MITF: variants seen among roughly 807,000 people sequenced by gnomAD.
The protein encoded by MITF is melanocyte inducing transcription factor, also known as microphthalmia-associated transcription factor.
A neutral mutation model predicts 60.5 loss-of-function variants in MITF; 17 were observed. That is an observed-to-expected ratio of 0.28 (90% CI 0.19 to 0.42). The LOEUF (loss-of-function observed/expected upper bound fraction) is 0.42, where lower values mean the gene tolerates loss of function less well. MITF is among the 10% of genes least tolerant of loss of function. The probability of loss-of-function intolerance (pLI) is 1.00; values close to 1 mark genes in which losing one functional copy is unlikely to be tolerated. For synonymous variants in MITF, 260 were observed against 248.5 expected (o/e 1.05, Z -0.43); for missense variants, 622 against 683.5 (o/e 0.91, Z 1.00).
chr3:69,879,342 A>T lies in MITF; in HGVS notation c.313A>T (p.Thr105Ser), dbSNP rs1575868909. Residue 105 changes from threonine to serine, a missense_variant, in exon 2 of 10, where the codon ACC (threonine) becomes TCC (serine). Physicochemically the swap from Thr to Ser is moderately conservative, Grantham distance 58. Around this residue, in one of 5 missense-constraint regions of MITF, gnomAD observed 149 missense variants for 157.8 expected, o/e 0.94. Coordinates refer to ENST00000352241, the MANE Select transcript of MITF (RefSeq NM_001354604.2). ...TPAINVSVPT[T>S]LPSATQVPME... ...AGCCATAAACGTCAGTGTGCCCACC[A>T]CCCTTCCCTCTGCCACGCAGGTGCC... 1 of 1,613,964 alleles carries T rather than the reference A, an allele frequency of 6.2e-7. No individual in the cohort carries two copies. Among genetic ancestry groups the T allele is most frequent in the East Asian group, 2.2e-5 (1 of 44,862 alleles).
At chr3:69,905,508 A>G (rs1398938915) in intron 2 of MITF, among the ~76,000 whole-genome samples, 4 of 152,024 alleles carry the variant, frequency 2.6e-5, no homozygotes, top group African/African-American at 9.7e-5. Context: ...TGGGAGTGAA[A>G]CAGCTGAATC....
chr3:69,928,575 AC>A (rs1375906936), intron 2 of MITF, among the ~76,000 whole-genome samples: 2 of 152,172 alleles, frequency 1.3e-5, no homozygotes, highest in Non-Finnish European at 2.9e-5. Flanking sequence ...CTACTTCTCA[AC>A]TCTGTTGCTT....
At chr3:69,927,715 GT>G (rs1478404695) in intron 2 of MITF, among the ~76,000 whole-genome samples, 1 of 152,150 alleles carries the variant, frequency 6.6e-6, no homozygotes, top group African/African-American at 2.4e-5. Context: ...GCCAGTTTTG[GT>G]TGTCATAACT....
At chr3:69,863,841 C>T (rs913587834) in intron 1 of MITF, among the ~76,000 whole-genome samples, 2 of 152,220 alleles carry the variant, frequency 1.3e-5, no homozygotes, top group Non-Finnish European at 2.9e-5. Flanking sequence ...GGATTACAGG[C>T]ATCTGCCACC....
At chr3:69,746,669 C>T (rs1412950636) in intron 1 of MITF, among the ~76,000 whole-genome samples, 1 of 152,150 alleles carries the variant, frequency 6.6e-6, no homozygotes, top group African/African-American at 2.4e-5. Context: ...TTAAATGCAG[C>T]CACCACAAGC....
At chr3:69,835,467 C>T (rs1217754720) in intron 1 of MITF, among the ~76,000 whole-genome samples, 8 of 152,064 alleles carry the variant, frequency 5.3e-5, no homozygotes, top group African/African-American at 1.9e-4. Flanking sequence ...TTTGCAAAAG[C>T]TTTTTAGTTT....
intron 1 of MITF, among the ~76,000 whole-genome samples, chr3:69,843,357 A>G (rs2063674154): frequency 6.6e-6 from 1 of 152,170 alleles, no homozygotes; most frequent in Non-Finnish European, 1.5e-5. Flanking sequence ...AATCTGTATA[A>G]TCTCTACCAG....
chr3:69,754,664 AT>A (rs993322147), intron 1 of MITF, among the ~76,000 whole-genome samples: 7 of 148,578 alleles, frequency 4.7e-5, no homozygotes, highest in Non-Finnish European at 6.0e-5. Flanking sequence ...AGTCTCAGGT[AT>A]TTTTTTTTGT....
At chr3:69,767,378 G>C (rs2062313445) in intron 1 of MITF, among the ~76,000 whole-genome samples, 2 of 152,136 alleles carry the variant, frequency 1.3e-5, no homozygotes, top group Non-Finnish European at 2.9e-5. Flanking sequence ...GAGGTCAGGA[G>C]TTCGAGACCA....
chr3:69,843,735 G>T (rs755085485), intron 1 of MITF, among the ~76,000 whole-genome samples: 1 of 151,928 alleles, frequency 6.6e-6, no homozygotes, highest in Non-Finnish European at 1.5e-5. Context: ...GACCCATACC[G>T]TTTTTGTTTG....
chr3:69,827,665 A>T (rs560784889), intron 1 of MITF, among the ~76,000 whole-genome samples: 1 of 152,294 alleles, frequency 6.6e-6, no homozygotes, highest in African/African-American at 2.4e-5. Flanking sequence ...TGTTTTAAAC[A>T]TGTTTTAAAC....
chr3:69,835,104 G>A (rs1184781773), intron 1 of MITF, among the ~76,000 whole-genome samples: 1 of 121,682 alleles, frequency 8.2e-6, no homozygotes. Context: ...CTGTAGTCTT[G>A]ACCTCTTGCC....
At chr3:69,763,719 G>C in intron 1 of MITF, 1 of 1,331,314 alleles carries the variant, frequency 7.5e-7, no homozygotes, top group Non-Finnish European at 9.8e-7. Flanking sequence ...CTCTTCTGTA[G>C]CTTGTTTGGT....
rs1402819382 is a variant in MITF at position 69,763,473 on chromosome 3, A to G, written c.104+23772A>G. The G allele has an allele frequency of 3.8e-6, 4 of 1,054,602 alleles. No homozygotes were observed. The Admixed American group carries it at 2.1e-4, about 56-fold the overall frequency. 65.3% of individuals were successfully genotyped at this position (1,054,602 alleles called of 1,614,324 possible). ...CTCCTTCCTGGCTGAATTCCCTGTC[A>G]TTTTAAGTAGGCAGCAATTACTGGT... is the stretch of plus-strand genomic sequence containing the variant. On this transcript the variant is annotated intron_variant, in intron 1 of 9. Transcript: ENST00000352241.
At chr3:69,831,044 A>G (rs1395210684) in intron 1 of MITF, among the ~76,000 whole-genome samples, 1 of 152,120 alleles carries the variant, frequency 6.6e-6, no homozygotes, top group Non-Finnish European at 1.5e-5. Flanking sequence ...CATCTTGTAA[A>G]ATAGGGATAA....
chr3:69,864,447 T>C (rs1325943681), intron 1 of MITF, among the ~76,000 whole-genome samples: 2 of 152,220 alleles, frequency 1.3e-5, no homozygotes, highest in Non-Finnish European at 2.9e-5. Context: ...TCGTATTTAT[T>C]GGTCCTTAGT....
intron 2 of MITF, among the ~76,000 whole-genome samples, chr3:69,935,726 T>TC (rs1257873477): frequency 6.6e-6 from 1 of 152,212 alleles, no homozygotes; most frequent in Non-Finnish European, 1.5e-5. Flanking sequence ...TTGCCTCTTT[T>TC]CTTTTTTTGC....
chr3:69,824,110 C>T (rs2063319048), intron 1 of MITF, among the ~76,000 whole-genome samples: 1 of 152,168 alleles, frequency 6.6e-6, no homozygotes, highest in South Asian at 2.1e-4. Flanking sequence ...TTGTCAATGG[C>T]TGTTTCAGAT....
chr3:69,938,926 C>T (rs2065906005), intron 3 of MITF, 172 bp from the exon 4 acceptor site: 1 of 1,494,188 alleles, frequency 6.7e-7, no homozygotes, highest in East Asian at 2.5e-5. Flanking sequence ...TGTCATCTAG[C>T]AAGATGATTT....
Sources: gnomAD v4.1 joint callset for allele counts (sites outside exome capture counted in the v4.1 genomes callset) on GRCh38, gnomAD v4.1.1 for gene constraint, gnomAD v4.1.1 regional missense constraint, MANE v1.5 for transcripts, NCBI Gene and HGNC (gene_info 2026-07-23, HGNC 2026-07-21) for gene names.